Variants in ACADM observed in about 807,000 individuals in gnomAD.
The protein encoded by ACADM is acyl-CoA dehydrogenase medium chain.
A neutral mutation model predicts 58.9 loss-of-function variants in ACADM; 49 were observed. The ratio of observed to expected loss-of-function variants is 0.83; its 90% CI spans 0.66 to 1.06. The LOEUF (loss-of-function observed/expected upper bound fraction) is 1.06. Among genes scored for constraint, ACADM ranks in the 50% least tolerant of loss-of-function variants. The probability of loss-of-function intolerance (pLI) is 0.00; values close to 1 mark genes in which losing one functional copy is unlikely to be tolerated. For synonymous variants in ACADM, 160 were observed against 157.7 expected (o/e 1.01, Z -0.11); for missense variants, 496 against 507.0 (o/e 0.98, Z 0.21).
chr1:75,730,925 T>C (rs1229717569), intron 2 of ACADM, among the ~76,000 whole-genome samples: 1 of 152,130 alleles, frequency 6.6e-6, no homozygotes, highest in Non-Finnish European at 1.5e-5. Context: ...AATTCTTAAG[T>C]ATACTTCTGC....
chr1:75,755,154 G>C (rs1648428202), intron 10 of ACADM: 1 of 152,440 alleles, frequency 6.6e-6, no homozygotes, highest in Admixed American at 6.5e-5. Context: ...AAGGAGGCCT[G>C]CTTGTTGCTG....
chr1:75,741,907 C>T (rs1024387041), intron 7 of ACADM, among the ~76,000 whole-genome samples: 3 of 152,108 alleles, frequency 2.0e-5, no homozygotes, highest in African/African-American at 7.2e-5. Context: ...AGAAATTCTT[C>T]TGTAGGAAAA....
intron 11 of ACADM, 116 bp from the exon 12 acceptor site, chr1:75,762,576 A>G: frequency 1.4e-6 from 1 of 700,690 alleles, no homozygotes; most frequent in Non-Finnish European, 2.6e-6. Flanking sequence ...GACCCTATAT[A>G]TGGTTTGATT....
intron 1 of ACADM, 46 bp from the exon 2 acceptor site, chr1:75,728,355 A>G: frequency 2.0e-6 from 3 of 1,487,502 alleles, no homozygotes; most frequent in Non-Finnish European, 2.8e-6. Context: ...TTATCTGATT[A>G]ATGTTTAACT....
intron 7 of ACADM, among the ~76,000 whole-genome samples, chr1:75,741,114 C>T (rs1369547633): frequency 6.6e-6 from 1 of 152,144 alleles, no homozygotes; most frequent in Non-Finnish European, 1.5e-5. Context: ...CCCATCACTA[C>T]AAGTATATAG....
At chr1:75,737,292 A>ATATATG (rs1553123541) in intron 6 of ACADM, among the ~76,000 whole-genome samples, 20 of 84,362 alleles carry the variant, frequency 2.4e-4, no homozygotes, top group African/African-American at 9.0e-4. Flanking sequence ...ATATATATAT[A>ATATATG]TATATATATA....
intron 2 of ACADM, 97 bp downstream of exon 2, chr1:75,728,585 T>C: frequency 7.9e-6 from 7 of 881,806 alleles, no homozygotes; most frequent in Non-Finnish European, 7.4e-6. Flanking sequence ...TAATAATGTC[T>C]TTCAATGAGT....
rs369417973 is a variant in ACADM, at chr1:75,724,879, G to A, written c.30+62G>A. The A allele has an allele frequency of 1.9e-5, 26 of 1,365,626 alleles. No homozygotes were observed. The African/African-American group carries it at 3.4e-4, about 18-fold the overall frequency. The allele number at this position is 1,365,626 out of a possible 1,614,324, so 84.6% of individuals were successfully genotyped here. A position where few individuals can be genotyped will look rare whatever the true frequency, so the allele number is the denominator to read the frequency against. On this transcript the variant is annotated intron_variant, in intron 1 of 11. Coordinates refer to ENST00000370841, the MANE Select transcript of ACADM (RefSeq NM_000016.6). ...ATGGGTATTGTGGTGTCGGAGCAGGGGGCCCTGGGCCAAAAATAGGTGCGG... is the reference window on the plus strand; with the variant it reads ...ATGGGTATTGTGGTGTCGGAGCAGGAGGCCCTGGGCCAAAAATAGGTGCGG...
At chr1:75,745,600 G>A in intron 7 of ACADM, 1 of 582,412 alleles carries the variant, frequency 1.7e-6, no homozygotes, top group Admixed American at 2.7e-5. Context: ...AGGGCCTACT[G>A]TGTTATTAAG....
intron 11 of ACADM, among the ~76,000 whole-genome samples, chr1:75,762,196 C>T (rs1347596305): frequency 2.0e-5 from 3 of 151,838 alleles, no homozygotes; most frequent in Non-Finnish European, 2.9e-5. Context: ...GATGAACTAA[C>T]GAATGGCTAA....
In ACADM at chr1:75,761,271, A is replaced by G. The variant is rs376993634; in HGVS notation, c.1095A>G (p.Ala365=). 1.9e-6 allele frequency: 3 copies of G among 1,614,182 alleles called. No homozygotes were observed. The highest frequency in any genetic ancestry group is 2.5e-6 in the Non-Finnish European group (3 of 1,180,006). ...CAAAGGCATTTGCTGGAGATATTGCAAATCAGTTAGCTACTGATGCTGTGC... is the reference window on the plus strand; with the variant it reads ...CAAAGGCATTTGCTGGAGATATTGCGAATCAGTTAGCTACTGATGCTGTGC... ...SIAKAFAGDI[A]NQLATDAVQI... The change falls in exon 11 of 12, where the codon GCA becomes GCG. Residue 365 remains alanine (A), a synonymous_variant. Coordinates refer to ENST00000370841, the MANE Select transcript of ACADM (RefSeq NM_000016.6).
chr1:75,762,742 C>T lies in ACADM; in HGVS notation c.1245C>T (p.His415=), dbSNP rs1648923010. 6.2e-7 allele frequency: 1 copy of T among 1,604,698 alleles called. No homozygotes were observed. Among genetic ancestry groups the T allele is most frequent in the Non-Finnish European group, 8.5e-7 (1 of 1,172,438 alleles). The change falls in exon 12 of 12, where the codon CAC becomes CAT. Residue 415 remains histidine, a synonymous_variant. Coordinates refer to ENST00000370841, the MANE Select transcript of ACADM (RefSeq NM_000016.6). The stretch of plus-strand genomic sequence containing the variant: ...AAAGACTTATTGTAGCCCGTGAACA[C>T]ATTGACAAGTACAAAAATTAAAAAA... The part of the protein sequence containing the change: ...QIQRLIVARE[H]IDKYKN
At chr1:75,738,516 A>G (rs1308469105) in intron 6 of ACADM, among the ~76,000 whole-genome samples, 1 of 152,144 alleles carries the variant, frequency 6.6e-6, no homozygotes, top group Non-Finnish European at 1.5e-5. Flanking sequence ...AGCCTCAGCC[A>G]CCACGCCCGG....
At chr1:75,743,095 C>T (rs1647669692) in intron 7 of ACADM, among the ~76,000 whole-genome samples, 1 of 152,174 alleles carries the variant, frequency 6.6e-6, no homozygotes, top group Admixed American at 6.5e-5. Context: ...TATAGTATAC[C>T]AGCACTAGGG....
intron 6 of ACADM, among the ~76,000 whole-genome samples, chr1:75,738,215 C>A (rs1335094714): frequency 1.4e-5 from 2 of 142,130 alleles, no homozygotes; most frequent in Non-Finnish European, 3.1e-5. Context: ...CATGCCCAGC[C>A]AAGTATTGTT....
intron 10 of ACADM, among the ~76,000 whole-genome samples, chr1:75,751,928 T>C (rs959723698): frequency 4.6e-5 from 7 of 151,988 alleles, no homozygotes; most frequent in Admixed American, 3.9e-4. Flanking sequence ...TAAATATTGA[T>C]GCTCCCCCAT....
chr1:75,762,777 G>T lies in ACADM; in HGVS notation c.*14G>T, dbSNP rs1472292560. The T allele has an allele frequency of 6.7e-7, 1 of 1,486,388 alleles. No individual in the cohort carries two copies. Among genetic ancestry groups the T allele is most frequent in the East Asian group, 2.3e-5 (1 of 43,910 alleles). 92.1% of individuals were successfully genotyped at this position (1,486,388 alleles called of 1,614,324 possible). On this transcript the variant is annotated 3_prime_UTR_variant, in exon 12 of 12. Transcript: ENST00000370841. ...TACAAAAATTAAAAAAATTACTGTA[G>T]AAATATTGAATAACTAGAACACAAG...
intron 1 of ACADM, 128 bp downstream of exon 1, chr1:75,724,945 T>A: frequency 1.0e-6 from 1 of 974,768 alleles, no homozygotes; most frequent in Non-Finnish European, 1.4e-6. Context: ...GGAGCCAGCC[T>A]AGGGGCCCCC....
chr1:75,759,651 ACTTT>A (rs1337762102), intron 10 of ACADM, among the ~76,000 whole-genome samples: 39 of 131,390 alleles, frequency 3.0e-4, no homozygotes, highest in African/African-American at 1.1e-3. Flanking sequence ...ATCTGTAGCA[ACTTT>A]CTTTTTTTTT....
Sources: allele counts gnomAD v4.1 joint callset (sites outside exome capture counted in the v4.1 genomes callset), GRCh38; gene constraint gnomAD v4.1.1; transcripts MANE v1.5; gene names NCBI Gene and HGNC (gene_info 2026-07-23, HGNC 2026-07-21).